The following DYNC1I2 variants were observed in gnomAD, a reference collection of about 807,000 sequenced individuals.
DYNC1I2 encodes the protein cytoplasmic dynein 1 intermediate chain 2.
In DYNC1I2, 53 loss-of-function variants were observed where a neutral mutation model predicts 88.6. The ratio of observed to expected loss-of-function variants is 0.60; its 90% confidence interval spans 0.48 to 0.75. The LOEUF is 0.75. DYNC1I2 is among the 30% of genes least tolerant of loss of function. DYNC1I2 has a pLI of 0.00. For missense variants in DYNC1I2, 458 were observed against 766.6 expected (o/e 0.60, Z 4.75); for synonymous variants, 198 against 254.6 (o/e 0.78, Z 2.12).
At chr2:171,734,254 T>C (rs1308914754) in intron 15 of DYNC1I2, among the ~76,000 whole-genome samples, 3 of 152,214 alleles carry the variant, frequency 2.0e-5, no homozygotes, top group Non-Finnish European at 2.9e-5. Flanking sequence ...TCCATCCTTA[T>C]ATACGTTAAT....
intron 7 of DYNC1I2, among the ~76,000 whole-genome samples, chr2:171,723,368 T>C (rs1228415645): frequency 1.3e-5 from 2 of 152,332 alleles, no homozygotes. Flanking sequence ...TTGATTAGGA[T>C]AACTGGTAGC....
At chr2:171,739,696 C>CTCTCTCTCTCTCTTTTTTTT (rs1689267774) in intron 15 of DYNC1I2, among the ~76,000 whole-genome samples, 1 of 65,038 alleles carries the variant, frequency 1.5e-5, no homozygotes, top group African/African-American at 5.7e-5. Context: ...TGACATATCT[C>CTCTCTCTCTCTCTTTTTTTT]TTTTTTTTTT....
intron 15 of DYNC1I2, among the ~76,000 whole-genome samples, chr2:171,732,053 T>C (rs1688650458): frequency 6.6e-6 from 1 of 152,230 alleles, no homozygotes; most frequent in Admixed American, 6.5e-5. Context: ...TTAATAATTA[T>C]CTTGTTTTTA....
chr2:171,744,317 A>C (rs981953326), intron 16 of DYNC1I2, 128 bp downstream of exon 16: 11 of 1,009,524 alleles, frequency 1.1e-5, no homozygotes, highest in South Asian at 9.3e-5. Flanking sequence ...ATCACAAAGA[A>C]CTCAAATAAG....
chr2:171,712,569 C>G (rs1687197262), intron 5 of DYNC1I2, 198 bp from the exon 6 acceptor site: 1 of 520,696 alleles, frequency 1.9e-6, no homozygotes. Flanking sequence ...CATAGGAAGC[C>G]TATTGCATGC....
rs386391833 is a variant in DYNC1I2 at position 171,739,104 on chromosome 2, G to GGA, written c.1537-4945_1537-4944insGA. ...GCACTCTAGCCTGGGCAACAAGAGT[G>GGA]AAAAAAAAAAAAAAAAGAAAACCAC... On this transcript the variant is annotated intron_variant, in intron 15 of 17. Transcript: ENST00000397119. 1.5e-3 allele frequency among the ~76,000 whole-genome samples: 119 copies of GGA among 77,266 alleles called. 3 individuals are homozygous for GGA. Among genetic ancestry groups the GGA allele is most frequent in the Non-Finnish European group, 2.3e-3 (74 of 31,810 alleles). 50.7% of individuals were successfully genotyped at this position (77,266 alleles called of 152,430 possible). A position where few individuals can be genotyped will look rare whatever the true frequency, so the allele number is the denominator to read the frequency against.
At chr2:171,712,443 T>A (rs889325163) in intron 5 of DYNC1I2, 1 of 218,212 alleles carries the variant, frequency 4.6e-6, no homozygotes, top group Non-Finnish European at 9.0e-6. Context: ...ATAATTAACT[T>A]GGGTTGTCTG....
intron 5 of DYNC1I2, among the ~76,000 whole-genome samples, chr2:171,710,028 A>G (rs1362703974): frequency 6.6e-6 from 1 of 151,724 alleles, no homozygotes; most frequent in Non-Finnish European, 1.5e-5. Context: ...CATCTTTTTA[A>G]CCTTAATATG....
At chr2:171,742,100 T>A (rs1249377506) in intron 15 of DYNC1I2, among the ~76,000 whole-genome samples, 1 of 152,064 alleles carries the variant, frequency 6.6e-6, no homozygotes, top group African/African-American at 2.4e-5. Context: ...ATAGTTTTAC[T>A]TTCCATTTAG....
chr2:171,728,203 G>C, intron 12 of DYNC1I2, 102 bp from the exon 13 acceptor site: 2 of 753,198 alleles, frequency 2.7e-6, no homozygotes, highest in Non-Finnish European at 4.1e-6. Flanking sequence ...ATACCCACAA[G>C]TTATGAGACT....
rs182542835 is a variant in DYNC1I2, at chr2:171,709,355, G to C, written c.335+1978G>C. Among the ~76,000 whole-genome samples, 315 of 152,224 alleles carry C rather than the reference G, an allele frequency of 2.1e-3. 2 individuals carry two copies. The highest frequency in any genetic ancestry group is 7.2e-3 in the African/African-American group (298 of 41,550). On this transcript the variant is annotated intron_variant, in intron 5 of 17. Transcript: ENST00000397119. The stretch of plus-strand genomic sequence containing the variant: ...TTAGAATATTGTAAATTAATACAGG[G>C]AGTAATAATGGTAAGAAAAATATTT...
chr2:171,729,811 C>A lies in DYNC1I2; in HGVS notation c.1494C>A (p.Val498=), dbSNP rs761659878. The change falls in exon 15 of 18, where the codon GTC becomes GTA. Residue 498 remains valine (V), a synonymous_variant. Transcript: ENST00000397119. Reference sequence around the variant, plus strand: ...CAGTAGACTTCTCACATCTTTTTGTCACTTCATCGTTTGACTGGACAGTAA... The same window carrying A: ...CAGTAGACTTCTCACATCTTTTTGTAACTTCATCGTTTGACTGGACAGTAA... The part of the protein sequence containing the change: ...VGAVDFSHLF[V]TSSFDWTVKL... 1.1e-5 allele frequency: 17 copies of A among 1,613,604 alleles called. No homozygotes were observed. The African/African-American group carries it at 2.3e-4, about 22-fold the overall frequency.
rs1689267774 is a variant in DYNC1I2 at position 171,739,696 on chromosome 2, C to CTCTCTCTCTCTCTTTTTTTTTTT, written c.1537-4352_1537-4351insCTCTCTCTCTCTTTTTTTTTTTT. On this transcript the variant is annotated intron_variant, in intron 15 of 17. Coordinates refer to ENST00000397119, the MANE Select transcript of DYNC1I2 (RefSeq NM_001378.3). ...CCATCCATTTGCGATTGACATATCTCTTTTTTTTTTTTTTTTTTTTTTTTT... is the reference window on the plus strand; with the variant it reads ...CCATCCATTTGCGATTGACATATCTCTCTCTCTCTCTCTTTTTTTTTTTTTTTTTTTTTTTTTTTTTTTTTTTT... Among the ~76,000 whole-genome samples the CTCTCTCTCTCTCTTTTTTTTTTT allele has an allele frequency of 1.9e-3, 123 of 65,102 alleles. 1 individual carries two copies. Among genetic ancestry groups the CTCTCTCTCTCTCTTTTTTTTTTT allele is most frequent in the African/African-American group, 6.7e-3 (117 of 17,486 alleles). The allele number at this position is 65,102 out of a possible 152,430, so 42.7% of individuals were successfully genotyped here. A position where few individuals can be genotyped will look rare whatever the true frequency, so the allele number is the denominator to read the frequency against.
At chr2:171,739,075 C>G (rs1166409100) in intron 15 of DYNC1I2, among the ~76,000 whole-genome samples, 1 of 142,972 alleles carries the variant, frequency 7.0e-6, no homozygotes, top group Admixed American at 7.1e-5. Context: ...AAGATCACAC[C>G]ATTGCACTCT....
intron 7 of DYNC1I2, 21 bp downstream of exon 7, chr2:171,715,464 T>G (rs770303894): frequency 7.0e-7 from 1 of 1,437,200 alleles, no homozygotes; most frequent in South Asian, 1.2e-5. Context: ...ATCCTTAGTA[T>G]AATTGTCATT....
At chr2:171,714,863 G>C (rs1042127117) in intron 6 of DYNC1I2, among the ~76,000 whole-genome samples, 12 of 152,048 alleles carry the variant, frequency 7.9e-5, no homozygotes, top group Non-Finnish European at 5.9e-5. Context: ...TAGAAAAAAA[G>C]CTTTCAACAG....
chr2:171,739,438 A>G (rs561060312), intron 15 of DYNC1I2, among the ~76,000 whole-genome samples: 1 of 152,236 alleles, frequency 6.6e-6, no homozygotes, highest in Non-Finnish European at 1.5e-5. Context: ...ACACATGACC[A>G]ATCTTGTCTA....
At chr2:171,693,502 C>A (rs1160947425) in intron 3 of DYNC1I2, among the ~76,000 whole-genome samples, 2 of 152,166 alleles carry the variant, frequency 1.3e-5, no homozygotes, top group African/African-American at 2.4e-5. Flanking sequence ...ATATCAGGAA[C>A]AAATGCTTAC....
At chr2:171,699,558 G>A (rs1486266027) in intron 3 of DYNC1I2, among the ~76,000 whole-genome samples, 1 of 151,578 alleles carries the variant, frequency 6.6e-6, no homozygotes, top group East Asian at 1.9e-4. Flanking sequence ...TTTTTCTACA[G>A]AGAGTAGAGA....
Sources: gnomAD v4.1 joint callset for allele counts (sites outside exome capture counted in the v4.1 genomes callset) on GRCh38, gnomAD v4.1.1 for gene constraint, MANE v1.5 for transcripts, NCBI Gene and HGNC (gene_info 2026-07-23, HGNC 2026-07-21) for gene names.